PIN1: variants seen among roughly 807,000 people sequenced by gnomAD.
The protein encoded by PIN1 is peptidylprolyl cis/trans isomerase, NIMA-interacting 1, also known as peptidyl-prolyl cis-trans isomerase NIMA-interacting 1.
In PIN1, 8 loss-of-function variants were observed where a neutral mutation model predicts 19.9. The ratio of observed to expected loss-of-function variants is 0.40; its 90% confidence interval spans 0.24 to 0.72. The LOEUF is 0.72. Among genes scored for constraint, PIN1 ranks in the 30% least tolerant of loss-of-function variants. PIN1 has a pLI of 0.37. For missense variants in PIN1, 185 were observed against 226.5 expected (o/e 0.82, Z 1.18); for synonymous variants, 86 against 90.8 (o/e 0.95, Z 0.30).
At chr19:9,836,705 A>G (rs1291843268) in intron 1 of PIN1, 4 of 561,346 alleles carry the variant, frequency 7.1e-6, no homozygotes, top group Non-Finnish European at 8.9e-6. Flanking sequence ...TCGGGCCACC[A>G]GTAATGCTGG....
At chr19:9,842,594 G>C (rs1201209599) in intron 2 of PIN1, among the ~76,000 whole-genome samples, 1 of 152,178 alleles carries the variant, frequency 6.6e-6, no homozygotes, top group Non-Finnish European at 1.5e-5. Flanking sequence ...GGCCTGGTGG[G>C]CTCAGCACAC....
At chr19:9,844,853 GTCTCATTTAT>G (rs1304087136) in intron 2 of PIN1, among the ~76,000 whole-genome samples, 2 of 152,198 alleles carry the variant, frequency 1.3e-5, no homozygotes, top group African/African-American at 4.8e-5. Flanking sequence ...GCCTATTTCT[GTCTCATTTAT>G]TCATTAACTT....
intron 2 of PIN1, among the ~76,000 whole-genome samples, chr19:9,847,011 C>G (rs1427809379): frequency 6.6e-6 from 1 of 152,086 alleles, no homozygotes; most frequent in Non-Finnish European, 1.5e-5. Context: ...AAGGGACGCC[C>G]GTTTGTGTCA....
chr19:9,848,373 G>GCTACACA (rs1283407489), intron 3 of PIN1: 19 of 549,846 alleles, frequency 3.5e-5, no homozygotes, highest in Non-Finnish European at 6.2e-5. Flanking sequence ...ACCCTGGGGG[G>GCTACACA]CATGGTCTCT....
intron 2 of PIN1, among the ~76,000 whole-genome samples, chr19:9,842,655 A>T (rs1354617884): frequency 6.6e-6 from 1 of 152,216 alleles, no homozygotes; most frequent in Non-Finnish European, 1.5e-5. Context: ...CTCCTGCCTG[A>T]GACGGTGCTG....
intron 2 of PIN1, among the ~76,000 whole-genome samples, chr19:9,839,834 C>G (rs1426273476): frequency 6.6e-6 from 1 of 151,998 alleles, no homozygotes; most frequent in Non-Finnish European, 1.5e-5. Flanking sequence ...AACCCCGTCT[C>G]TAAAAAAATA....
chr19:9,835,382 A>G lies in PIN1; in HGVS notation c.38A>G (p.Lys13Arg). Residue 13 changes from lysine to arginine, a missense_variant, in exon 1 of 4, where the codon AAG becomes AGG. Coordinates refer to ENST00000247970, the MANE Select transcript of PIN1 (RefSeq NM_006221.4). ...GAGAAGCTGCCGCCCGGCTGGGAGA[A>G]GCGCATGAGCCGCAGCTCAGGTGCC... ...DEEKLPPGWE[K>R]RMSRSSGRVY... 1 of 1,515,518 alleles carries G rather than the reference A, an allele frequency of 6.6e-7. No homozygotes were observed. 93.9% of individuals were successfully genotyped at this position (1,515,518 alleles called of 1,614,324 possible).
chr19:9,847,909 GGGAGGCTTTCCAACTGAAGT>G, intron 2 of PIN1, 101 bp from the exon 3 acceptor site: 1 of 725,620 alleles, frequency 1.4e-6, no homozygotes, highest in East Asian at 2.6e-5. Context: ...CGCCTGTGAG[GGGAGGCTTTCCAACTGAAGT>G]GCTGCCTCCC....
rs1156554791 is a variant in PIN1 at position 9,846,267 on chromosome 19, G to C, written c.272-1763G>C. Among the ~76,000 whole-genome samples the C allele has an allele frequency of 3.9e-5, 6 of 152,232 alleles. No individual in the cohort carries two copies. Among genetic ancestry groups the C allele is most frequent in the Non-Finnish European group, 8.8e-5 (6 of 68,038 alleles). On this transcript the variant is annotated intron_variant, in intron 2 of 3. Coordinates refer to ENST00000247970, the MANE Select transcript of PIN1 (RefSeq NM_006221.4). The surrounding 1 kb of genome is among the most constrained non-coding windows in gnomAD (Gnocchi z 5.9). ...CGATGTCCCTGTCAGACCAGGACAC[G>C]TGGGCCGGCAGGGCCAAGGATAGGG...
chr19:9,836,887 G>A (rs529734740), intron 1 of PIN1: 43 of 1,276,594 alleles, frequency 3.4e-5, no homozygotes, highest in African/African-American at 3.3e-4. Flanking sequence ...TGAGGTCTCC[G>A]TTTTGCCATC....
At chr19:9,841,316 C>G (rs543151445) in intron 2 of PIN1, among the ~76,000 whole-genome samples, 2 of 152,352 alleles carry the variant, frequency 1.3e-5, no homozygotes, top group African/African-American at 2.4e-5. Context: ...CTGGATCTCT[C>G]TCTTTCCCCT....
In PIN1 at chr19:9,844,207, A is replaced by G. The variant is rs186119007; in HGVS notation, c.272-3823A>G. The stretch of plus-strand genomic sequence containing the variant: ...TTGGGGTGACACAAACATTGAGTCC[A>G]TAACGGATGGGCAGCTTGGATCTGT... On this transcript the variant is annotated intron_variant, in intron 2 of 3. Coordinates refer to ENST00000247970, the MANE Select transcript of PIN1 (RefSeq NM_006221.4). 7.5e-3 allele frequency among the ~76,000 whole-genome samples: 1,135 copies of G among 152,084 alleles called. 17 individuals are homozygous for G. Among genetic ancestry groups the G allele is most frequent in the Non-Finnish European group, 0.01 (688 of 68,028 alleles).
At chr19:9,837,016 C>T in intron 1 of PIN1, 1 of 461,110 alleles carries the variant, frequency 2.2e-6, no homozygotes. Flanking sequence ...TGGAGATGGT[C>T]TCACTGTGTG....
intron 2 of PIN1, among the ~76,000 whole-genome samples, chr19:9,839,059 G>C (rs2046140365): frequency 6.6e-6 from 1 of 152,190 alleles, no homozygotes; most frequent in African/African-American, 2.4e-5. Flanking sequence ...TCAGTCTGTG[G>C]GAAGTGTTGT....
At chr19:9,836,663 A>G (rs1213954155) in intron 1 of PIN1, 1 of 370,348 alleles carries the variant, frequency 2.7e-6, no homozygotes, top group Non-Finnish European at 5.3e-6. Flanking sequence ...CACAGTCTTC[A>G]CTCCTTCATA....
chr19:9,845,885 T>A (rs1257068003), intron 2 of PIN1, among the ~76,000 whole-genome samples: 1 of 152,168 alleles, frequency 6.6e-6, no homozygotes, highest in African/African-American at 2.4e-5. Flanking sequence ...GGCCTGGGCC[T>A]GGCTCCTCAG....
chr19:9,849,127 G>T lies in PIN1; in HGVS notation c.420G>T (p.Ala140=), dbSNP rs373470067. Residue 140 remains alanine, a synonymous_variant, in exon 4 of 4, where the codon GCG becomes GCT. Transcript: ENST00000247970. ...AGCCATTTGAAGACGCCTCGTTTGCGCTGCGGACGGGGGAGATGAGCGGGC... is the reference window on the plus strand; with the variant it reads ...AGCCATTTGAAGACGCCTCGTTTGCTCTGCGGACGGGGGAGATGAGCGGGC... ...MQKPFEDASF[A]LRTGEMSGPV... is the part of the protein sequence containing the mutation. The T allele has an allele frequency of 8.1e-6, 13 of 1,613,696 alleles. No homozygotes were observed. Among genetic ancestry groups the T allele is most frequent in the Admixed American group, 3.3e-5 (2 of 59,992 alleles).
rs1041300978 is a variant in PIN1, at chr19:9,839,968, C to G, written c.271+1320C>G. ...TGAGCCGAGATCACACTACCGCACT[C>G]CAGCCTGGGTGACAGAGCAAGACCC... On this transcript the variant is annotated intron_variant, in intron 2 of 3. Coordinates refer to ENST00000247970, the MANE Select transcript of PIN1 (RefSeq NM_006221.4). Among the ~76,000 whole-genome samples the G allele has an allele frequency of 9.8e-5, 15 of 152,328 alleles. No homozygotes were observed. In the South Asian group the frequency reaches 2.7e-3, roughly 27 times the overall value.
intron 2 of PIN1, among the ~76,000 whole-genome samples, chr19:9,845,066 G>A (rs1455468575): frequency 6.6e-6 from 1 of 152,108 alleles, no homozygotes; most frequent in Non-Finnish European, 1.5e-5. Flanking sequence ...GCTTCTTGGG[G>A]AGACCAGAGG....
Sources: allele counts gnomAD v4.1 joint callset (sites outside exome capture counted in the v4.1 genomes callset), GRCh38; gene constraint gnomAD v4.1.1; non-coding constraint Gnocchi (gnomAD v3.1); transcripts MANE v1.5; gene names NCBI Gene and HGNC (gene_info 2026-07-23, HGNC 2026-07-21).